SH3GLB2: variants seen among roughly 807,000 people sequenced by gnomAD.
SH3GLB2 encodes SH3 domain containing GRB2 like, endophilin B2.
A neutral mutation model predicts 48.0 loss-of-function variants in SH3GLB2; 24 were observed. The observed-to-expected ratio is 0.50, with a 90% CI of 0.36 to 0.70. The LOEUF is 0.70. Among genes scored for constraint, SH3GLB2 ranks in the 30% least tolerant of loss-of-function variants. SH3GLB2 has a pLI of 0.00. For synonymous variants in SH3GLB2, 227 were observed against 207.6 expected (o/e 1.09, Z -0.80); for missense variants, 425 against 516.0 (o/e 0.82, Z 1.71).
At chr9:129,009,920 CA>C in intron 8 of SH3GLB2, 49 bp from the exon 9 acceptor site, 1 of 1,558,032 alleles carries the variant, frequency 6.4e-7, no homozygotes, top group African/African-American at 1.4e-5. Context: ...GCCCTCAGAA[CA>C]AAAAATTCCG....
intron 5 of SH3GLB2, chr9:129,013,687 A>G (rs1438566177): frequency 2.2e-5 from 4 of 184,032 alleles, no homozygotes; most frequent in Non-Finnish European, 4.6e-5. Flanking sequence ...AGCCACAGGT[A>G]GCCATCTCCC....
rs1359864935 is a variant in SH3GLB2, at chr9:129,014,091, G to A, written c.561+320C>T. 1.4e-5 allele frequency: 8 copies of A among 587,898 alleles called. No homozygotes were observed. Among genetic ancestry groups the A allele is most frequent in the East Asian group, 7.6e-5 (2 of 26,172 alleles). 36.4% of individuals were successfully genotyped at this position (587,898 alleles called of 1,614,324 possible). On this transcript the variant is annotated intron_variant, in intron 5 of 10. Transcript: ENST00000372564. The surrounding 1 kb of genome is among the most constrained non-coding windows in gnomAD (Gnocchi z 4.1). ...GAAGGTGCCATGCCCGGGCAGAGCC[G>A]GGGACAGAGCCGAGCATCTAGGAGG... is the stretch of plus-strand genomic sequence containing the variant.
intron 1 of SH3GLB2, 72 bp downstream of exon 1, chr9:129,028,020 C>T: frequency 7.1e-7 from 1 of 1,399,244 alleles, no homozygotes; most frequent in Non-Finnish European, 9.5e-7. Flanking sequence ...CGTCCCCAGG[C>T]GTCTGCCGCA....
intron 1 of SH3GLB2, among the ~76,000 whole-genome samples, chr9:129,022,954 CTGTCAAGA>C (rs1253162804): frequency 6.6e-6 from 1 of 152,190 alleles, no homozygotes; most frequent in Non-Finnish European, 1.5e-5. Flanking sequence ...AGTTCTGCCA[CTGTCAAGA>C]TGTGTGACTT....
intron 1 of SH3GLB2, 45 bp from the exon 2 acceptor site, chr9:129,022,468 G>A: frequency 5.0e-6 from 7 of 1,389,824 alleles, no homozygotes; most frequent in Admixed American, 1.8e-5. Context: ...GGAGAGCTCA[G>A]AAGGAGGTGG....
At chr9:129,009,992 C>T in intron 8 of SH3GLB2, 121 bp from the exon 9 acceptor site, 4 of 1,358,494 alleles carry the variant, frequency 2.9e-6, no homozygotes, top group Non-Finnish European at 4.2e-6. Context: ...TGCCCCTGCG[C>T]CCACACCCTC....
chr9:129,014,732 C>T lies in SH3GLB2; in HGVS notation c.468+39G>A, dbSNP rs1167499362. On this transcript the variant is annotated intron_variant, in intron 4 of 10. Transcript: ENST00000372564. This position sits in a 1 kb window ranked among gnomAD's most constrained non-coding sequence, Gnocchi z 4.1. ...TCAAAGGCTCTGAGGAGGGAACTGC[C>T]ATGGTTACCAGGAAGCGGAATAGTC... 3 of 1,598,334 alleles carry T rather than the reference C, an allele frequency of 1.9e-6. No homozygotes were observed. The highest frequency in any genetic ancestry group is 2.7e-5 in the African/African-American group (2 of 74,272).
chr9:129,024,169 C>T (rs1162458904), intron 1 of SH3GLB2, among the ~76,000 whole-genome samples: 3 of 150,998 alleles, frequency 2.0e-5, no homozygotes, highest in African/African-American at 7.3e-5. Flanking sequence ...TGCCTATAAT[C>T]CCAGCACTTT....
chr9:129,016,178 A>C (rs947661867), intron 3 of SH3GLB2, among the ~76,000 whole-genome samples: 1 of 151,706 alleles, frequency 6.6e-6, no homozygotes, highest in African/African-American at 2.4e-5. Flanking sequence ...CCTCGTCTCT[A>C]CTAAAAATAC....
intron 7 of SH3GLB2, 68 bp downstream of exon 7, chr9:129,010,602 A>AG (rs1843057079): frequency 8.3e-6 from 13 of 1,569,054 alleles, no homozygotes; most frequent in Non-Finnish European, 1.1e-5. Flanking sequence ...CAGACCCCAC[A>AG]GCAGCAAGTG....
chr9:129,016,427 G>A (rs1029042360), intron 3 of SH3GLB2, among the ~76,000 whole-genome samples: 1 of 149,872 alleles, frequency 6.7e-6, no homozygotes, highest in East Asian at 2.0e-4. Flanking sequence ...TTGGAAGGCT[G>A]AGGCAGGCGG....
Position 129,010,691 on chromosome 9 carries a change from G to C in SH3GLB2, c.627C>G (p.Leu209=). Residue 209 remains leucine (L), a splice_region_variant and synonymous_variant, in exon 7 of 11, where the codon CTC becomes CTG. Transcript: ENST00000372564. The part of the protein sequence containing the change: ...NYILSASASA[L]WNDEVDKAEQ... ...TTACCTTGTCCACTTCATCATTCCA[G>C]AGCTGTGGAGACGGCAGCAGGAGTG... is the stretch of plus-strand genomic sequence containing the variant. The C allele has an allele frequency of 6.2e-7, 1 of 1,613,930 alleles. No homozygotes were observed. Among genetic ancestry groups the C allele is most frequent in the Non-Finnish European group, 8.5e-7 (1 of 1,179,966 alleles).
In SH3GLB2 at chr9:129,014,400, G is replaced by A. The variant is rs1376062916; in HGVS notation, c.561+11C>T. The A allele has an allele frequency of 6.5e-7, 1 of 1,549,482 alleles. No individual in the cohort carries two copies. Among genetic ancestry groups the A allele is most frequent in the East Asian group, 2.4e-5 (1 of 40,914 alleles). On this transcript the variant is annotated intron_variant, in intron 5 of 10. Coordinates refer to ENST00000372564, the MANE Select transcript of SH3GLB2 (RefSeq NM_020145.4). This position sits in a 1 kb window ranked among gnomAD's most constrained non-coding sequence, Gnocchi z 4.1. ...TGGGCCAGGAGGCCAGCGGGGAGCG[G>A]GGACACCTACCGTGGCTTTGGCTTC...
intron 3 of SH3GLB2, among the ~76,000 whole-genome samples, chr9:129,020,299 T>C (rs1843706836): frequency 6.9e-6 from 1 of 144,964 alleles, no homozygotes; most frequent in Admixed American, 7.1e-5. Context: ...CCAGGTGCGG[T>C]GGCTCACACC....
chr9:129,026,706 G>A (rs1053486560), intron 1 of SH3GLB2, among the ~76,000 whole-genome samples: 3 of 152,198 alleles, frequency 2.0e-5, no homozygotes, highest in Non-Finnish European at 4.4e-5. Flanking sequence ...CCCTAGCAGG[G>A]AACTGGCAGA....
chr9:129,021,060 C>T (rs760157591), intron 3 of SH3GLB2, 31 bp downstream of exon 3: 3 of 1,542,882 alleles, frequency 1.9e-6, no homozygotes, highest in Non-Finnish European at 2.6e-6. Flanking sequence ...AAGACCATGA[C>T]CCCTAGTCCC....
In SH3GLB2 at chr9:129,028,246, G is replaced by GGTACCC; in HGVS notation, c.-93_-92insGGGTAC. The GGTACCC allele has an allele frequency of 1.1e-6, 1 of 881,698 alleles. No individual in the cohort carries two copies. Among genetic ancestry groups the GGTACCC allele is most frequent in the Non-Finnish European group, 1.4e-6 (1 of 725,762 alleles). 54.6% of individuals were successfully genotyped at this position (881,698 alleles called of 1,614,324 possible). ...GCCAACCGCACCCCGCCCACCTGCTGCGGGGCACCAGCCCTCCGCGCACCC... is the reference window on the plus strand; with the variant it reads ...GCCAACCGCACCCCGCCCACCTGCTGGTACCCCGGGGCACCAGCCCTCCGCGCACCC... On this transcript the variant is annotated 5_prime_UTR_variant, in exon 1 of 11. Transcript: ENST00000372564.
At chr9:129,023,684 G>C (rs891755878) in intron 1 of SH3GLB2, among the ~76,000 whole-genome samples, 5 of 152,178 alleles carry the variant, frequency 3.3e-5, no homozygotes, top group African/African-American at 1.2e-4. Context: ...TGCGGTGGGG[G>C]GTGGCGGGCT....
chr9:129,013,288 G>A (rs1843229590), intron 5 of SH3GLB2: 1 of 515,430 alleles, frequency 1.9e-6, no homozygotes, highest in Non-Finnish European at 3.5e-6. Flanking sequence ...CCAACCCCAG[G>A]ATGTGAGGTT....
Sources: allele counts gnomAD v4.1 joint callset (sites outside exome capture counted in the v4.1 genomes callset), GRCh38; gene constraint gnomAD v4.1.1; non-coding constraint Gnocchi (gnomAD v3.1); transcripts MANE v1.5; gene names NCBI Gene and HGNC (gene_info 2026-07-23, HGNC 2026-07-21).